Variants in GABRB1 observed in about 807,000 individuals in gnomAD.
GABRB1 encodes the protein gamma-aminobutyric acid receptor subunit beta-1.
GABRB1 carries 17 observed loss-of-function variants against 51.6 expected under a neutral mutation model. The ratio of observed to expected loss-of-function variants is 0.33; its 90% CI spans 0.23 to 0.49. GABRB1 has a LOEUF of 0.49. GABRB1 is among the 20% of genes least tolerant of loss of function. The probability of loss-of-function intolerance (pLI) is 0.99; values close to 1 mark genes in which losing one functional copy is unlikely to be tolerated. For synonymous variants in GABRB1, 247 were observed against 218.9 expected, an observed-to-expected ratio of 1.13 and a Z score of -1.14; for missense variants, 410 against 600.6, an observed-to-expected ratio of 0.68 and a Z score of 3.32.
chr4:47,159,355 C>T (rs1374549447), intron 3 of GABRB1, among the ~76,000 whole-genome samples: 1 of 152,014 alleles, frequency 6.6e-6, no homozygotes, highest in Admixed American at 6.6e-5. Flanking sequence ...CATAATTAGG[C>T]TTACATGTGG....
intron 1 of GABRB1, among the ~76,000 whole-genome samples, chr4:47,001,101 T>C (rs1047788747): frequency 6.6e-6 from 1 of 152,174 alleles, no homozygotes; most frequent in African/African-American, 2.4e-5. Context: ...AGTACCCAGA[T>C]GTTTGGTAAG....
At position 47,425,913 on chromosome 4, in the gene GABRB1, C is replaced by A. The variant is rs1289589554; in HGVS notation, c.1320C>A (p.Ile440=). The change falls in exon 9 of 9, where the codon ATC becomes ATA. Residue 440 remains isoleucine, a synonymous_variant. Coordinates refer to ENST00000295454, the MANE Select transcript of GABRB1 (RefSeq NM_000812.4). ...GTGCCTCCCAGCTCAAAGTCAAGAT[C>A]CCCGACTTGACTGATGTGAATTCCA... The part of the protein sequence containing the change: ...RRRASQLKVK[I]PDLTDVNSID... 7 of 1,614,150 alleles carry A rather than the reference C, an allele frequency of 4.3e-6. No individual in the cohort carries two copies. The highest frequency in any genetic ancestry group is 5.9e-6 in the Non-Finnish European group (7 of 1,179,982).
At chr4:47,190,506 A>G (rs1184568249) in intron 4 of GABRB1, among the ~76,000 whole-genome samples, 1 of 152,162 alleles carries the variant, frequency 6.6e-6, no homozygotes, top group Non-Finnish European at 1.5e-5. Flanking sequence ...GCACCTACAC[A>G]TATCCTTTAT....
At chr4:47,349,205 T>C (rs1202336170) in intron 5 of GABRB1, among the ~76,000 whole-genome samples, 2 of 152,096 alleles carry the variant, frequency 1.3e-5, no homozygotes, top group East Asian at 1.9e-4. Flanking sequence ...TTGATGATAA[T>C]TATAGCTATC....
Position 47,170,221 on chromosome 4 carries a change from C to T in GABRB1, c.461+8752C>T, listed in dbSNP as rs547818030. ...TTATATTCTTGGCAGTGTCTGACCA[C>T]GGATTGTGTGTGAGAATAAAATCAA... On this transcript the variant is annotated intron_variant, in intron 4 of 8. Transcript: ENST00000295454. Among the ~76,000 whole-genome samples the T allele has an allele frequency of 1.2e-4, 19 of 152,042 alleles. No homozygotes were observed. In the South Asian group the frequency reaches 2.7e-3, roughly 22 times the overall value.
chr4:47,340,820 A>G (rs1725865246), intron 5 of GABRB1, among the ~76,000 whole-genome samples: 1 of 152,172 alleles, frequency 6.6e-6, no homozygotes, highest in South Asian at 2.1e-4. Flanking sequence ...AATTTTCACC[A>G]TCTTTTCTAT....
At chr4:47,344,045 T>C (rs1725998777) in intron 5 of GABRB1, among the ~76,000 whole-genome samples, 1 of 152,136 alleles carries the variant, frequency 6.6e-6, no homozygotes, top group Non-Finnish European at 1.5e-5. Flanking sequence ...TGGTTGATAG[T>C]ATAGAGCATA....
chr4:47,309,143 A>G (rs1389359636), intron 4 of GABRB1, among the ~76,000 whole-genome samples: 1 of 152,170 alleles, frequency 6.6e-6, no homozygotes, highest in Non-Finnish European at 1.5e-5. Context: ...CAATTTAGGA[A>G]AAATAGTATG....
chr4:47,050,589 A>T (rs6829206), intron 3 of GABRB1, among the ~76,000 whole-genome samples: 133,401 of 152,034 alleles, frequency 0.88, 58,937 homozygotes, highest in Non-Finnish European at 0.92. Flanking sequence ...TATAAATACC[A>T]GCTTATCATT....
intron 5 of GABRB1, among the ~76,000 whole-genome samples, chr4:47,378,083 T>C (rs554069068): frequency 8.1e-4 from 124 of 152,172 alleles, no homozygotes; most frequent in African/African-American, 3.0e-3. Context: ...CTGGGCGCCG[T>C]AGAGCAGGGG....
At chr4:47,069,821 A>T (rs1207014567) in intron 3 of GABRB1, among the ~76,000 whole-genome samples, 1 of 152,070 alleles carries the variant, frequency 6.6e-6, no homozygotes, top group East Asian at 1.9e-4. Context: ...AACATTTTTT[A>T]AAGTGTTGAC....
chr4:47,031,946 A>G lies in GABRB1; in HGVS notation c.113A>G (p.Lys38Arg). Residue 38 changes from lysine to arginine, a missense_variant, in exon 2 of 9, where the codon AAA becomes AGA. By Grantham distance (26) the Lys-to-Arg change is conservative. Around this residue, in one of 5 missense-constraint regions of GABRB1, gnomAD observed 56 missense variants for 54.8 expected, o/e 1.02. Coordinates refer to ENST00000295454, the MANE Select transcript of GABRB1 (RefSeq NM_000812.4). ...TNEPSNMSYV[K>R]ETVDRLLKGY... ...GAACCCAGCAACATGTCATACGTGAAAGAGACAGTGGACAGATTGCTCAAA... is the reference window on the plus strand; with the variant it reads ...GAACCCAGCAACATGTCATACGTGAGAGAGACAGTGGACAGATTGCTCAAA... The G allele has an allele frequency of 6.2e-7, 1 of 1,614,022 alleles. No individual in the cohort carries two copies. Among genetic ancestry groups the G allele is most frequent in the Non-Finnish European group, 8.5e-7 (1 of 1,180,008 alleles).
chr4:47,110,379 T>C (rs1715166055), intron 3 of GABRB1, among the ~76,000 whole-genome samples: 2 of 152,230 alleles, frequency 1.3e-5, no homozygotes, highest in African/African-American at 4.8e-5. Context: ...TTTCTGAACA[T>C]AGTCTATGCT....
chr4:47,039,359 C>CAAAAAAAAAAAAAAAAAA (rs10603411), intron 3 of GABRB1, among the ~76,000 whole-genome samples: 1 of 65,504 alleles, frequency 1.5e-5, no homozygotes. Context: ...AAAGAAAATA[C>CAAAAAAAAAAAAAAAAAA]AAAAAAAAAA....
intron 5 of GABRB1, among the ~76,000 whole-genome samples, chr4:47,359,398 C>G (rs2110008014): frequency 6.6e-6 from 1 of 152,202 alleles, no homozygotes; most frequent in Non-Finnish European, 1.5e-5. Context: ...TTGTAGAGAA[C>G]TTTGTACTTT....
At chr4:47,351,496 T>A (rs577425609) in intron 5 of GABRB1, among the ~76,000 whole-genome samples, 226 of 152,084 alleles carry the variant, frequency 1.5e-3, no homozygotes, top group Non-Finnish European at 2.8e-3. Flanking sequence ...GCCATGCTAG[T>A]GTGCTGCACC....
chr4:47,233,354 T>C (rs1470718544), intron 4 of GABRB1, among the ~76,000 whole-genome samples: 1 of 152,144 alleles, frequency 6.6e-6, no homozygotes, highest in Non-Finnish European at 1.5e-5. Context: ...GGAATAAAAT[T>C]CTAACTTCTG....
chr4:47,386,311 T>C (rs1380858288), intron 5 of GABRB1, among the ~76,000 whole-genome samples: 3 of 152,206 alleles, frequency 2.0e-5, no homozygotes, highest in Non-Finnish European at 4.4e-5. Context: ...CAAAATCACA[T>C]ATATATTTAT....
chr4:47,003,986 T>C (rs1031791612), intron 1 of GABRB1, among the ~76,000 whole-genome samples: 12 of 152,148 alleles, frequency 7.9e-5, no homozygotes, highest in Non-Finnish European at 1.8e-4. Flanking sequence ...CTTTTGTTTT[T>C]TTTGTTTGTT....
Sources: gnomAD v4.1 joint callset for allele counts (sites outside exome capture counted in the v4.1 genomes callset) on GRCh38, gnomAD v4.1.1 for gene constraint, gnomAD v4.1.1 regional missense constraint, MANE v1.5 for transcripts, NCBI Gene and HGNC (gene_info 2026-07-23, HGNC 2026-07-21) for gene names.